Variants in KDM2A observed in about 807,000 individuals in gnomAD.
KDM2A encodes lysine demethylase 2A.
A neutral mutation model predicts 137.3 loss-of-function variants in KDM2A; 3 were observed. The ratio of observed to expected loss-of-function variants is 0.02; its 90% CI spans 0.01 to 0.06. The LOEUF (loss-of-function observed/expected upper bound fraction) is 0.06, where lower values mean the gene tolerates loss of function less well. Ranked by LOEUF, KDM2A falls within the 10% of genes least tolerant of loss-of-function variation. The pLI is 1.00. For synonymous variants in KDM2A, 512 were observed against 541.5 expected (o/e 0.95, Z 0.76); for missense variants, 738 against 1,510.6 (o/e 0.49, Z 8.48).
At chr11:67,228,288 A>C in intron 11 of KDM2A, 125 bp downstream of exon 11, 1 of 1,007,642 alleles carries the variant, frequency 9.9e-7, no homozygotes, top group South Asian at 1.7e-5. Context: ...GGAAGTACCA[A>C]ATTCATCACT....
Position 67,215,960 on chromosome 11 carries a change from A to T in KDM2A, c.687+11A>T, listed in dbSNP as rs201656775. 1 of 1,603,586 alleles carries T rather than the reference A, an allele frequency of 6.2e-7. No individual in the cohort carries two copies. The highest frequency in any genetic ancestry group is 1.7e-5 in the Admixed American group (1 of 59,988). ...CATCAAGGGGGAAAGGTATGGTCAT[A>T]GTTGTGATAGGGGTTGGAATCTGAA... On this transcript the variant is annotated intron_variant, in intron 8 of 20. Transcript: ENST00000529006.
At chr11:67,205,093 C>A (rs762707934) in intron 5 of KDM2A, among the ~76,000 whole-genome samples, 1 of 152,100 alleles carries the variant, frequency 6.6e-6, no homozygotes, top group Admixed American at 6.6e-5. Flanking sequence ...ATTTCCATAG[C>A]GGCTGCACCA....
At chr11:67,248,620 C>T (rs2136457490) in intron 16 of KDM2A, 4 of 424,008 alleles carry the variant, frequency 9.4e-6, no homozygotes, top group South Asian at 7.6e-5. Flanking sequence ...TCCTTTTATA[C>T]TCTGGGGCCC....
At chr11:67,219,494 T>G in intron 10 of KDM2A, 91 bp downstream of exon 10, 1 of 586,220 alleles carries the variant, frequency 1.7e-6, no homozygotes, top group Non-Finnish European at 2.7e-6. Context: ...TTATCAAAAC[T>G]TCCATTTTTC....
intron 2 of KDM2A, among the ~76,000 whole-genome samples, chr11:67,170,634 C>T (rs1389135829): frequency 2.0e-5 from 3 of 151,894 alleles, no homozygotes; most frequent in East Asian, 1.9e-4. Flanking sequence ...AGGATGGTCT[C>T]GATCTCCTCA....
intron 2 of KDM2A, among the ~76,000 whole-genome samples, chr11:67,145,229 A>T (rs1301817980): frequency 6.6e-6 from 1 of 151,394 alleles, no homozygotes; most frequent in East Asian, 2.0e-4. Context: ...TCATGTCTGT[A>T]ATCCCAGCAC....
intron 5 of KDM2A, among the ~76,000 whole-genome samples, chr11:67,199,555 T>C (rs1481251099): frequency 6.6e-6 from 1 of 152,218 alleles, no homozygotes; most frequent in Non-Finnish European, 1.5e-5. Flanking sequence ...AGCTATAACA[T>C]TCCCTTAACA....
chr11:67,168,626 C>T lies in KDM2A; in HGVS notation c.43-11453C>T, dbSNP rs969418447. 9.7e-4 allele frequency among the ~76,000 whole-genome samples: 138 copies of T among 142,560 alleles called. 8 individuals carry two copies. The highest frequency in any genetic ancestry group is 3.0e-3 in the Admixed American group (38 of 12,484). The allele number at this position is 142,560 out of a possible 152,430, so 93.5% of individuals were successfully genotyped here. Reference sequence around the variant, plus strand: ...ACACACACACACACACACACACACACACACACACACACACACACACACACA... The same window carrying T: ...ACACACACACACACACACACACACATACACACACACACACACACACACACA... On this transcript the variant is annotated intron_variant, in intron 2 of 20. Transcript: ENST00000529006.
In KDM2A at chr11:67,250,025, C is replaced by G; in HGVS notation, c.2056-61C>G. On this transcript the variant is annotated intron_variant, in intron 16 of 20. Coordinates refer to ENST00000529006, the MANE Select transcript of KDM2A (RefSeq NM_012308.3). This position sits in a 1 kb window ranked among gnomAD's most constrained non-coding sequence, Gnocchi z 7.1. ...TGAGAGCAAGGGAGGTCCACCCTGT[C>G]GGTTCAGAGGGTTTGGAAGAAAGGA... 7.3e-7 allele frequency: 1 copy of G among 1,375,104 alleles called. No individual in the cohort carries two copies. Among genetic ancestry groups the G allele is most frequent in the Non-Finnish European group, 9.9e-7 (1 of 1,009,746 alleles). The allele number at this position is 1,375,104 out of a possible 1,614,324, so 85.2% of individuals were successfully genotyped here.
intron 2 of KDM2A, among the ~76,000 whole-genome samples, chr11:67,130,441 G>T (rs554355955): frequency 2.6e-5 from 4 of 152,196 alleles, no homozygotes; most frequent in African/African-American, 9.6e-5. Context: ...CACCATGCCC[G>T]GCCTTAAGCT....
rs889728959 is a variant in KDM2A, at chr11:67,140,724, G to A, written c.42+19366G>A. Among the ~76,000 whole-genome samples, 24 of 151,988 alleles carry A rather than the reference G, an allele frequency of 1.6e-4. 1 individual carries two copies. The highest frequency in any genetic ancestry group is 8.8e-5 in the Non-Finnish European group (6 of 67,998). ...GCCAAGATTGTGCCATTGCACTCCAGCCTGGCAAAAAGAGTGAAACTTTGT... is the reference window on the plus strand; with the variant it reads ...GCCAAGATTGTGCCATTGCACTCCAACCTGGCAAAAAGAGTGAAACTTTGT... On this transcript the variant is annotated intron_variant, in intron 2 of 20. Coordinates refer to ENST00000529006, the MANE Select transcript of KDM2A (RefSeq NM_012308.3).
At chr11:67,237,160 G>C (rs1237399542) in intron 12 of KDM2A, among the ~76,000 whole-genome samples, 1 of 152,092 alleles carries the variant, frequency 6.6e-6, no homozygotes, top group Non-Finnish European at 1.5e-5. Flanking sequence ...TTGGAAAATT[G>C]TTATTTGTGA....
chr11:67,122,883 G>A (rs1855631042), intron 2 of KDM2A, among the ~76,000 whole-genome samples: 2 of 151,270 alleles, frequency 1.3e-5, no homozygotes, highest in Admixed American at 1.3e-4. Context: ...CACTGTGTTA[G>A]CCAGGATGGT....
At chr11:67,218,539 A>ATTTT (rs112406399) in intron 9 of KDM2A, among the ~76,000 whole-genome samples, 1 of 147,280 alleles carries the variant, frequency 6.8e-6, no homozygotes, top group South Asian at 2.1e-4. Context: ...ACATTATGAG[A>ATTTT]TTTTTTTTTT....
At chr11:67,162,587 G>T (rs932807298) in intron 2 of KDM2A, among the ~76,000 whole-genome samples, 1 of 152,044 alleles carries the variant, frequency 6.6e-6, no homozygotes, top group Non-Finnish European at 1.5e-5. Flanking sequence ...TGTATTTTTA[G>T]TAGAGATGGG....
At chr11:67,172,494 T>C (rs567682254) in intron 2 of KDM2A, among the ~76,000 whole-genome samples, 3 of 152,292 alleles carry the variant, frequency 2.0e-5, no homozygotes, top group East Asian at 1.9e-4. Context: ...CTTGTACTTA[T>C]CTTGTTAAAT....
chr11:67,216,826 A>G (rs997973408), intron 8 of KDM2A, among the ~76,000 whole-genome samples: 1 of 152,202 alleles, frequency 6.6e-6, no homozygotes, highest in Non-Finnish European at 1.5e-5. Context: ...AGGCTGAGGC[A>G]GGAGAATCGC....
At chr11:67,169,362 C>G (rs998875912) in intron 2 of KDM2A, among the ~76,000 whole-genome samples, 3 of 148,476 alleles carry the variant, frequency 2.0e-5, no homozygotes, top group Non-Finnish European at 4.5e-5. Flanking sequence ...AGATTGGTTT[C>G]TTTCTTTCTT....
rs1482789925 is a variant in KDM2A at position 67,132,200 on chromosome 11, C to G, written c.42+10842C>G. 2.0e-5 allele frequency: 3 copies of G among 152,178 alleles called. No homozygotes were observed. In the South Asian group the frequency reaches 6.2e-4, roughly 32 times the overall value. The allele number at this position is 152,178 out of a possible 1,614,324, so 9.4% of individuals were successfully genotyped here. The stretch of plus-strand genomic sequence containing the variant: ...ATGAGCAGACTGAAGTAGGTGGTGT[C>G]TTTTGAGGGGCACTGCTGATAACGT... On this transcript the variant is annotated intron_variant, in intron 2 of 20. Transcript: ENST00000529006.
Sources: gnomAD v4.1 joint callset for allele counts (sites outside exome capture counted in the v4.1 genomes callset) on GRCh38, gnomAD v4.1.1 for gene constraint, Gnocchi (gnomAD v3.1) non-coding constraint, MANE v1.5 for transcripts, NCBI Gene and HGNC (gene_info 2026-07-23, HGNC 2026-07-21) for gene names.